PDGFC: variants seen among roughly 807,000 people sequenced by gnomAD.
The protein encoded by PDGFC is platelet-derived growth factor C.
Under a neutral mutation model 35.5 loss-of-function variants are expected in PDGFC, and 12 were observed. The ratio of observed to expected loss-of-function variants is 0.34; its 90% confidence interval spans 0.22 to 0.55. PDGFC has a LOEUF of 0.55. Ranked by LOEUF, PDGFC falls within the 20% of genes least tolerant of loss-of-function variation. PDGFC has a pLI of 0.91. For synonymous variants in PDGFC, 159 were observed against 148.8 expected, an observed-to-expected ratio of 1.07 and a Z score of -0.50; for missense variants, 322 against 412.4, an observed-to-expected ratio of 0.78 and a Z score of 1.90.
At chr4:156,834,978 C>T (rs373149394) in intron 2 of PDGFC, among the ~76,000 whole-genome samples, 228 of 151,014 alleles carry the variant, frequency 1.5e-3, no homozygotes, top group African/African-American at 4.9e-3. Context: ...AAAATTTTTG[C>T]CATATTATAT....
chr4:156,887,704 A>C (rs1020486506), intron 1 of PDGFC, among the ~76,000 whole-genome samples: 4 of 152,178 alleles, frequency 2.6e-5, no homozygotes, highest in Non-Finnish European at 5.9e-5. Context: ...CCTTACAAAT[A>C]ATCCACTTTT....
intron 1 of PDGFC, among the ~76,000 whole-genome samples, chr4:156,913,211 C>G (rs1243724313): frequency 6.6e-6 from 1 of 152,122 alleles, no homozygotes; most frequent in African/African-American, 2.4e-5. Context: ...TTCAGTATAG[C>G]AAGCTATTTC....
At chr4:156,909,163 G>T (rs776283014) in intron 1 of PDGFC, among the ~76,000 whole-genome samples, 9 of 152,108 alleles carry the variant, frequency 5.9e-5, no homozygotes, top group Non-Finnish European at 1.3e-4. Context: ...TTCTGAGTTT[G>T]AGAAGAGAAA....
At chr4:156,875,158 T>C (rs1009648962) in intron 1 of PDGFC, among the ~76,000 whole-genome samples, 1 of 152,142 alleles carries the variant, frequency 6.6e-6, no homozygotes, top group African/African-American at 2.4e-5. Flanking sequence ...GAAACAGAGA[T>C]GGCAGCTGTT....
At chr4:156,947,879 TG>T (rs1731984290) in intron 1 of PDGFC, among the ~76,000 whole-genome samples, 1 of 152,000 alleles carries the variant, frequency 6.6e-6, no homozygotes, top group Admixed American at 6.6e-5. Flanking sequence ...AGAAACTGCC[TG>T]ACTTCAATAA....
chr4:156,841,627 C>T (rs1401837372), intron 2 of PDGFC, among the ~76,000 whole-genome samples: 1 of 151,940 alleles, frequency 6.6e-6, no homozygotes, highest in African/African-American at 2.4e-5. Flanking sequence ...CCACTTCAGC[C>T]TCCCAAGTAA....
chr4:156,804,658 T>G (rs2110925741), intron 3 of PDGFC, among the ~76,000 whole-genome samples: 1 of 152,116 alleles, frequency 6.6e-6, no homozygotes, highest in African/African-American at 2.4e-5. Context: ...TATATACATC[T>G]TTGAATCTTC....
At chr4:156,897,350 ATGTGTG>A (rs70956698) in intron 1 of PDGFC, among the ~76,000 whole-genome samples, 120 of 143,088 alleles carry the variant, frequency 8.4e-4, no homozygotes, top group South Asian at 4.2e-3. Flanking sequence ...GTGAGAGTGT[ATGTGTG>A]TGTGTGTGTG....
At chr4:156,804,790 A>T (rs28679408) in intron 3 of PDGFC, among the ~76,000 whole-genome samples, 3,491 of 152,070 alleles carry the variant, frequency 0.023, 153 homozygotes, top group African/African-American at 0.08. Context: ...AACTCCTTCC[A>T]TCAGGTTTAG....
chr4:156,922,155 A>AGTGTGTGT lies in PDGFC; in HGVS notation c.118+48623_118+48630dup, dbSNP rs3070262. ...TTGTGCCTATCTCACAAGGATTCAT[A>AGTGTGTGT]GTGTGTGTGTGTGTGTGTGTGTGTG... On this transcript the variant is annotated intron_variant, in intron 1 of 5. Transcript: ENST00000502773. 9.1e-3 allele frequency among the ~76,000 whole-genome samples: 1,317 copies of AGTGTGTGT among 145,362 alleles called. 13 individuals carry two copies. The highest frequency in any genetic ancestry group is 0.028 in the African/African-American group (1,119 of 39,718).
intron 4 of PDGFC, among the ~76,000 whole-genome samples, chr4:156,771,626 G>A (rs2110812953): frequency 6.6e-6 from 1 of 152,248 alleles, no homozygotes; most frequent in South Asian, 2.1e-4. Flanking sequence ...GTCTGAACAT[G>A]ACCTGCTGAG....
intron 1 of PDGFC, among the ~76,000 whole-genome samples, chr4:156,875,070 C>G (rs988481502): frequency 6.6e-6 from 1 of 152,016 alleles, no homozygotes; most frequent in Non-Finnish European, 1.5e-5. Context: ...TATTCACAAC[C>G]TCCTATGTGT....
intron 1 of PDGFC, among the ~76,000 whole-genome samples, chr4:156,868,704 C>T (rs1319771822): frequency 6.6e-6 from 1 of 152,042 alleles, no homozygotes; most frequent in Non-Finnish European, 1.5e-5. Flanking sequence ...CTTAATTGAC[C>T]TTTTAATGGC....
intron 1 of PDGFC, among the ~76,000 whole-genome samples, chr4:156,854,834 G>A (rs559430616): frequency 1.3e-5 from 2 of 152,076 alleles, no homozygotes; most frequent in African/African-American, 4.8e-5. Flanking sequence ...AAAGTTTATA[G>A]TCAAATCACT....
At chr4:156,814,279 A>G (rs1236123251) in intron 2 of PDGFC, among the ~76,000 whole-genome samples, 1 of 152,150 alleles carries the variant, frequency 6.6e-6, no homozygotes, top group African/African-American at 2.4e-5. Context: ...GAATTCGAGG[A>G]AACAGTAACA....
chr4:156,825,348 A>C (rs573969330), intron 2 of PDGFC, among the ~76,000 whole-genome samples: 14 of 150,782 alleles, frequency 9.3e-5, no homozygotes, highest in Non-Finnish European at 1.9e-4. Flanking sequence ...CAGAAGTTCA[A>C]GAATAGCCTG....
At chr4:156,938,806 TATA>T (rs901371001) in intron 1 of PDGFC, among the ~76,000 whole-genome samples, 5 of 150,554 alleles carry the variant, frequency 3.3e-5, no homozygotes, top group South Asian at 2.1e-4. Flanking sequence ...AACATACTAA[TATA>T]ATAGCACAAC....
At chr4:156,967,430 A>G (rs1732492228) in intron 1 of PDGFC, 1 of 152,204 alleles carries the variant, frequency 6.6e-6, no homozygotes, top group Non-Finnish European at 1.5e-5. Context: ...GAGAAAAAGA[A>G]CACATACAAT....
chr4:156,872,735 G>T (rs1006156583), intron 1 of PDGFC, among the ~76,000 whole-genome samples: 2 of 152,182 alleles, frequency 1.3e-5, no homozygotes, highest in African/African-American at 2.4e-5. Context: ...GATAAGGAAT[G>T]CTTCTGTACC....
Sources: allele counts gnomAD v4.1 joint callset (sites outside exome capture counted in the v4.1 genomes callset), GRCh38; gene constraint gnomAD v4.1.1; transcripts MANE v1.5; gene names NCBI Gene and HGNC (gene_info 2026-07-23, HGNC 2026-07-21).